Variants in ESRRG observed in about 807,000 individuals in gnomAD.
ESRRG encodes the protein estrogen related receptor gamma.
ESRRG carries 13 observed loss-of-function variants against 44.0 expected under a neutral mutation model. The observed-to-expected ratio is 0.30, with a 90% CI of 0.19 to 0.47. ESRRG has a LOEUF of 0.47. ESRRG is among the 20% of genes least tolerant of loss of function. The probability of loss-of-function intolerance (pLI) is 1.00; values close to 1 mark genes in which losing one functional copy is unlikely to be tolerated. For synonymous variants in ESRRG, 215 were observed against 214.6 expected (o/e 1.00, Z -0.02); for missense variants, 395 against 580.6 (o/e 0.68, Z 3.29).
chr1:216,621,244 T>A (rs1208955584), intron 3 of ESRRG, among the ~76,000 whole-genome samples: 4 of 152,206 alleles, frequency 2.6e-5, no homozygotes, highest in Non-Finnish European at 5.9e-5. Flanking sequence ...ATTTAAACAT[T>A]TTTTTCTTCA....
intron 2 of ESRRG, among the ~76,000 whole-genome samples, chr1:216,843,846 T>C (rs557545809): frequency 1.5e-4 from 23 of 150,690 alleles, no homozygotes; most frequent in Admixed American, 3.3e-4. Flanking sequence ...TTTTGCTGTA[T>C]TTCACTTTCT....
chr1:216,514,470 G>A (rs563069542), intron 6 of ESRRG, among the ~76,000 whole-genome samples: 55 of 152,180 alleles, frequency 3.6e-4, no homozygotes, highest in African/African-American at 1.3e-3. Context: ...AACATTTCAT[G>A]TTCAATTTTG....
intron 2 of ESRRG, among the ~76,000 whole-genome samples, chr1:216,787,776 C>A (rs1358305173): frequency 6.6e-6 from 1 of 151,900 alleles, no homozygotes. Context: ...AATGGTTAGC[C>A]AAGTTGTGAA....
intron 2 of ESRRG, among the ~76,000 whole-genome samples, chr1:216,775,138 GA>G (rs1388102769): frequency 6.6e-6 from 1 of 151,868 alleles, no homozygotes; most frequent in African/African-American, 2.4e-5. Context: ...TGTTGAATAT[GA>G]TATGTGTATT....
chr1:216,650,629 C>G (rs138452403), intron 3 of ESRRG, among the ~76,000 whole-genome samples: 1 of 151,976 alleles, frequency 6.6e-6, no homozygotes, highest in Non-Finnish European at 1.5e-5. Flanking sequence ...TCTCTGCAAA[C>G]CTAGTAATGA....
chr1:217,115,243 T>C (rs932075647), intron 1 of ESRRG, among the ~76,000 whole-genome samples: 3 of 152,202 alleles, frequency 2.0e-5, no homozygotes, highest in African/African-American at 7.2e-5. Context: ...GGGGAAAATA[T>C]ATTTATCTTT....
intron 2 of ESRRG, among the ~76,000 whole-genome samples, chr1:216,782,647 A>G (rs1441515527): frequency 2.0e-5 from 3 of 152,058 alleles, no homozygotes; most frequent in Non-Finnish European, 4.4e-5. Flanking sequence ...TATTTAAAAG[A>G]ATGCAAGTTC....
intron 2 of ESRRG, among the ~76,000 whole-genome samples, chr1:216,774,153 C>T (rs1217542551): frequency 1.3e-5 from 2 of 152,104 alleles, no homozygotes; most frequent in African/African-American, 4.8e-5. Flanking sequence ...GACCACTGCA[C>T]TAGCCTCAGT....
At chr1:216,924,213 C>T (rs895846312) in intron 2 of ESRRG, among the ~76,000 whole-genome samples, 2 of 152,170 alleles carry the variant, frequency 1.3e-5, no homozygotes, top group Non-Finnish European at 2.9e-5. Flanking sequence ...ATGACTGCTA[C>T]TGCAATGGAA....
At chr1:216,518,165 T>G (rs2044961285) in intron 6 of ESRRG, among the ~76,000 whole-genome samples, 1 of 152,158 alleles carries the variant, frequency 6.6e-6, no homozygotes, top group South Asian at 2.1e-4. Context: ...TCAGCGCGGC[T>G]GAGCCCAGCC....
chr1:216,532,060 A>T (rs2049530445), intron 5 of ESRRG, among the ~76,000 whole-genome samples: 1 of 152,064 alleles, frequency 6.6e-6, no homozygotes, highest in Admixed American at 6.6e-5. Flanking sequence ...GAGTAGCATG[A>T]ACATTACCTC....
At chr1:216,669,910 A>C (rs1314738915) in intron 2 of ESRRG, among the ~76,000 whole-genome samples, 2 of 152,144 alleles carry the variant, frequency 1.3e-5, no homozygotes, top group Non-Finnish European at 1.5e-5. Context: ...AAAAAGTTAA[A>C]GCAATGAATT....
Position 216,831,203 on chromosome 1 carries a change from A to G in ESRRG, c.-14+108379T>C, listed in dbSNP as rs553893496. 2.6e-5 allele frequency among the ~76,000 whole-genome samples: 4 copies of G among 152,106 alleles called. No individual in the cohort carries two copies. The South Asian group carries it at 8.3e-4, about 32-fold the overall frequency. ...GTTACGTGTCTGGTGCATATTTTTT[A>G]AGAGTTAAAGCTGGTGTTGTTAGCA... On this transcript the variant is annotated intron_variant, in intron 2 of 7. Transcript: ENST00000359162.
chr1:216,775,815 T>C (rs1324938724), intron 2 of ESRRG, among the ~76,000 whole-genome samples: 1 of 151,956 alleles, frequency 6.6e-6, no homozygotes, highest in Non-Finnish European at 1.5e-5. Flanking sequence ...TCCGCCTTTC[T>C]TGGCCTCCCA....
chr1:217,045,417 A>T (rs1390913550), intron 1 of ESRRG, among the ~76,000 whole-genome samples: 1 of 152,206 alleles, frequency 6.6e-6, no homozygotes, highest in Non-Finnish European at 1.5e-5. Flanking sequence ...AGACTCATAT[A>T]TTCAAAGTGA....
At chr1:216,527,798 A>T (rs867248201) in intron 5 of ESRRG, among the ~76,000 whole-genome samples, 3 of 152,168 alleles carry the variant, frequency 2.0e-5, no homozygotes, top group South Asian at 4.1e-4. Flanking sequence ...GTAAAATATA[A>T]ATGTGAAGAT....
intron 1 of ESRRG, among the ~76,000 whole-genome samples, chr1:216,710,150 G>A (rs776138665): frequency 4.6e-5 from 7 of 152,058 alleles, no homozygotes; most frequent in African/African-American, 7.2e-5. Flanking sequence ...CAGTCCTGCC[G>A]TCTTTTTAAA....
chr1:216,766,443 A>G (rs11572636), intron 2 of ESRRG, among the ~76,000 whole-genome samples: 26,290 of 151,974 alleles, frequency 0.17, 2,715 homozygotes, highest in African/African-American at 0.28. Flanking sequence ...TTTCCCTCTC[A>G]TTCTCACAGC....
intron 1 of ESRRG, among the ~76,000 whole-genome samples, chr1:216,721,311 G>T (rs1227734091): frequency 2.6e-5 from 4 of 152,170 alleles, no homozygotes; most frequent in African/African-American, 9.7e-5. Context: ...ATACACACAC[G>T]TGATGGGGTT....
Sources: allele counts gnomAD v4.1 joint callset (sites outside exome capture counted in the v4.1 genomes callset), GRCh38; gene constraint gnomAD v4.1.1; transcripts MANE v1.5; gene names NCBI Gene and HGNC (gene_info 2026-07-23, HGNC 2026-07-21).